Variants in KRT73 observed in about 807,000 individuals in gnomAD.
KRT73 encodes keratin, type II cytoskeletal 73.
In KRT73, 44 loss-of-function variants were observed where a neutral mutation model predicts 47.2. The observed-to-expected ratio is 0.93, with a 90% confidence interval of 0.73 to 1.20. The LOEUF is 1.20. Ranked by LOEUF, KRT73 falls within the 50% of genes most tolerant of loss-of-function variation. The probability of loss-of-function intolerance (pLI) is 0.00; values close to 1 mark genes in which losing one functional copy is unlikely to be tolerated. For synonymous variants in KRT73, 285 were observed against 291.3 expected (o/e 0.98, Z 0.22); for missense variants, 713 against 704.5 (o/e 1.01, Z -0.14).
the KRT73 span, among the ~76,000 whole-genome samples, chr12:52,625,999 C>CAG: frequency 1 from 151,581 of 152,308 alleles, 75,428 homozygotes; most frequent in Middle Eastern, 1. Context: ...GGGGGTTAAA[C>CAG]AGTGTCACAG....
At position 52,608,158 on chromosome 12, in the gene KRT73, G is replaced by A; in HGVS notation, c.*38C>T. On this transcript the variant is annotated 3_prime_UTR_variant, in exon 9 of 9. Coordinates refer to ENST00000305748, the MANE Select transcript of KRT73 (RefSeq NM_175068.3). ...GAAGAGTCCGGAGCAGTCTGCCAGGGCAAGGCAGACTACTGGGAAATGGGC... is the reference window on the plus strand; with the variant it reads ...GAAGAGTCCGGAGCAGTCTGCCAGGACAAGGCAGACTACTGGGAAATGGGC... 1 of 1,574,000 alleles carries A rather than the reference G, an allele frequency of 6.4e-7. No individual in the cohort carries two copies. Among genetic ancestry groups the A allele is most frequent in the South Asian group, 1.2e-5 (1 of 83,406 alleles).
rs767205770 is a variant in KRT73, at chr12:52,615,265, T to A, written c.723+14A>T. On this transcript the variant is annotated intron_variant, in intron 3 of 8. Transcript: ENST00000305748. ...CTGCTGGGGGACTGAAGGGAACCCA[T>A]GCACCCTCCTCACCTTCTTAAGCAC... 4 of 1,612,324 alleles carry A rather than the reference T, an allele frequency of 2.5e-6. No homozygotes were observed. Among genetic ancestry groups the A allele is most frequent in the Middle Eastern group, 1.7e-4 (1 of 6,056 alleles).
At chr12:52,611,370 C>T (rs1308848495) in intron 5 of KRT73, 41 bp from the exon 6 acceptor site, 1 of 1,612,080 alleles carries the variant, frequency 6.2e-7, no homozygotes, top group Non-Finnish European at 8.5e-7. Context: ...TGACTCAGGG[C>T]TTGGCTGGGA....
In KRT73 at chr12:52,614,006, G is replaced by A. The variant is rs887617758; in HGVS notation, c.820-154C>T. ...GTAAGAACAGAGCTCACAGCCCAGA[G>A]GTTCCAATACCACATCTGAAAACTG... On this transcript the variant is annotated intron_variant, in intron 4 of 8. Coordinates refer to ENST00000305748, the MANE Select transcript of KRT73 (RefSeq NM_175068.3). 46 of 1,154,416 alleles carry A rather than the reference G, an allele frequency of 4.0e-5. No homozygotes were observed. The Admixed American group carries it at 5.5e-4, about 14-fold the overall frequency. 71.5% of individuals were successfully genotyped at this position (1,154,416 alleles called of 1,614,324 possible). A position where few individuals can be genotyped will look rare whatever the true frequency, so the allele number is the denominator to read the frequency against.
the KRT73 span, among the ~76,000 whole-genome samples, chr12:52,624,816 A>C: frequency 5.5e-5 from 3 of 54,688 alleles, no homozygotes; most frequent in Non-Finnish European, 9.7e-5. Context: ...GCGACAACAA[A>C]ACAAAAAAAA....
chr12:52,621,143 A>G (rs1056490591), upstream of KRT73, among the ~76,000 whole-genome samples: 2 of 151,898 alleles, frequency 1.3e-5, no homozygotes, highest in Non-Finnish European at 2.9e-5. Context: ...CACATCCCTT[A>G]TATTGCCCTC....
the KRT73 span, among the ~76,000 whole-genome samples, chr12:52,628,636 G>T: frequency 6.6e-6 from 1 of 152,140 alleles, no homozygotes; most frequent in African/African-American, 2.4e-5. Context: ...CCAGAGATAG[G>T]AGAAGAGCTC....
At chr12:52,611,088 C>T in intron 6 of KRT73, 116 bp downstream of exon 6, 1 of 1,320,706 alleles carries the variant, frequency 7.6e-7, no homozygotes, top group Non-Finnish European at 1.1e-6. Context: ...AGAGCAGGAC[C>T]TCCATTTGAA....
At chr12:52,618,925 G>C (rs1212683372), upstream of KRT73, among the ~76,000 whole-genome samples, 3 of 152,234 alleles carry the variant, frequency 2.0e-5, no homozygotes, top group Non-Finnish European at 4.4e-5. Context: ...TCATCTGTTA[G>C]AAATCTCACA....
rs571759526 is a variant in KRT73, at chr12:52,611,962, G to T, written c.985-633C>A. Among the ~76,000 whole-genome samples, 15 of 152,344 alleles carry T rather than the reference G, an allele frequency of 9.8e-5. No homozygotes were observed. In the East Asian group the frequency reaches 2.9e-3, roughly 29 times the overall value. On this transcript the variant is annotated intron_variant, in intron 5 of 8. Transcript: ENST00000305748. ...AGTCCATAGGTCTCCCCACACTGTA[G>T]TGTATTGTGAACCTGTTTCCATGTG...
intron 7 of KRT73, chr12:52,610,047 G>A (rs1940660682): frequency 1.3e-5 from 2 of 154,964 alleles, no homozygotes; most frequent in African/African-American, 5.3e-5. Flanking sequence ...TCTGAGAGGT[G>A]TTTTTGTGTT....
In KRT73 at chr12:52,608,442, G is replaced by A. The variant is rs374289567; in HGVS notation, c.1377C>T (p.Asn459=). Residue 459 remains asparagine (N), a synonymous_variant, in exon 9 of 9, where the codon AAC becomes AAT. Transcript: ENST00000305748. The part of the protein sequence containing the change: ...YTNSVSISVI[N]SSMAGMAGTG... The stretch of plus-strand genomic sequence containing the variant: ...TGCCTGCCATCCCGGCCATGGAGCT[G>A]TTGATGACCGCTGCAGAGGAGGGAG... 3 of 1,609,484 alleles carry A rather than the reference G, an allele frequency of 1.9e-6. No homozygotes were observed. The highest frequency in any genetic ancestry group is 2.7e-5 in the African/African-American group (2 of 74,870).
the KRT73 span, among the ~76,000 whole-genome samples, chr12:52,630,513 G>A: frequency 2.6e-5 from 4 of 152,226 alleles, no homozygotes; most frequent in African/African-American, 9.6e-5. Context: ...TAGGCAGTGA[G>A]TGGATCACGA....
chr12:52,628,849 A>T, the KRT73 span, among the ~76,000 whole-genome samples: 1 of 152,180 alleles, frequency 6.6e-6, no homozygotes, highest in East Asian at 1.9e-4. Context: ...TAGAAGACAA[A>T]AAGGTGGGGG....
chr12:52,615,142 G>A (rs1196635619), intron 3 of KRT73, 137 bp downstream of exon 3: 3 of 679,172 alleles, frequency 4.4e-6, no homozygotes, highest in Admixed American at 2.6e-5. Context: ...AATGTCCCAA[G>A]CAGCAAGCCC....
At chr12:52,618,567 C>A, upstream of KRT73, 4 of 1,540,758 alleles carry the variant, frequency 2.6e-6, no homozygotes, top group Non-Finnish European at 3.5e-6. Context: ...TGACCCTTAG[C>A]TGAGATGCAG....
At chr12:52,618,853 C>T (rs76863782), upstream of KRT73, among the ~76,000 whole-genome samples, 9,913 of 152,264 alleles carry the variant, frequency 0.065, 440 homozygotes, top group South Asian at 0.13. Context: ...ATTGCTGTTC[C>T]CCAGGGAGTG....
At position 52,609,374 on chromosome 12, in the gene KRT73, A is replaced by G; in HGVS notation, c.1332-93T>C. 3.8e-6 allele frequency: 4 copies of G among 1,055,984 alleles called. No individual in the cohort carries two copies. The South Asian group carries it at 5.0e-5, about 13-fold the overall frequency. The allele number at this position is 1,055,984 out of a possible 1,614,324, so 65.4% of individuals were successfully genotyped here. ...ACACAGGCTGGGGATCCCCAGCCAG[A>G]CCAGCTCAGCCTTCACGCACCCCAC... On this transcript the variant is annotated intron_variant, in intron 7 of 8. Coordinates refer to ENST00000305748, the MANE Select transcript of KRT73 (RefSeq NM_175068.3).
the KRT73 span, among the ~76,000 whole-genome samples, chr12:52,629,693 C>T: frequency 2.0e-5 from 3 of 152,192 alleles, no homozygotes; most frequent in Admixed American, 2.0e-4. Flanking sequence ...ATTGCCTGTT[C>T]GCATGAAAAC....
Sources: allele counts gnomAD v4.1 joint callset (sites outside exome capture counted in the v4.1 genomes callset), GRCh38; gene constraint gnomAD v4.1.1; transcripts MANE v1.5; gene names NCBI Gene and HGNC (gene_info 2026-07-23, HGNC 2026-07-21).